Variants in BST1 observed in about 807,000 individuals in gnomAD.
The protein encoded by BST1 is bone marrow stromal cell antigen 1, also known as ADP-ribosyl cyclase/cyclic ADP-ribose hydrolase 2.
Under a neutral mutation model 40.6 loss-of-function variants are expected in BST1, and 49 were observed. That is an observed-to-expected ratio of 1.21 (90% confidence interval 0.96 to 1.53). The LOEUF (loss-of-function observed/expected upper bound fraction) is 1.53. Among genes scored for constraint, BST1 ranks in the 40% most tolerant of loss-of-function variants. The probability of loss-of-function intolerance (pLI) is 0.00; values close to 1 mark genes in which losing one functional copy is unlikely to be tolerated. For missense variants in BST1, 423 were observed against 395.9 expected (o/e 1.07, Z -0.58); for synonymous variants, 157 against 159.3 (o/e 0.99, Z 0.11).
At chr4:15,713,220 T>C (rs1206678849) in intron 4 of BST1, among the ~76,000 whole-genome samples, 1 of 149,374 alleles carries the variant, frequency 6.7e-6, no homozygotes, top group East Asian at 1.9e-4. Flanking sequence ...TTTTTTTTTT[T>C]TTTTTTTGAG....
chr4:15,734,486 C>T (rs376462588), downstream of BST1, among the ~76,000 whole-genome samples: 4 of 151,570 alleles, frequency 2.6e-5, no homozygotes, highest in Non-Finnish European at 5.9e-5. Flanking sequence ...AATATATATA[C>T]GGGAAATCAT....
Position 15,732,397 on chromosome 4 carries a change from A to C in BST1, c.*552A>C, listed in dbSNP as rs942603406. 6.6e-6 allele frequency: 1 copy of C among 152,654 alleles called. No individual in the cohort carries two copies. The highest frequency in any genetic ancestry group is 1.5e-5 in the Non-Finnish European group (1 of 68,414). 9.5% of individuals were successfully genotyped at this position (152,654 alleles called of 1,614,324 possible). A position where few individuals can be genotyped will look rare whatever the true frequency, so the allele number is the denominator to read the frequency against. ...AGGTGGGGAGATCTCAGCTCACTGC[A>C]ACCTCTGCTTCCAGGATTCAAGCGA... On this transcript the variant is annotated 3_prime_UTR_variant, in exon 9 of 9. Coordinates refer to ENST00000265016, the MANE Select transcript of BST1 (RefSeq NM_004334.3).
chr4:15,726,416 G>T (rs550862945), intron 8 of BST1, among the ~76,000 whole-genome samples: 13 of 152,172 alleles, frequency 8.5e-5, no homozygotes, highest in Non-Finnish European at 1.3e-4. Flanking sequence ...ATGTTCAAAG[G>T]TGCTGGGCAG....
At chr4:15,707,153 C>T (rs1400181888) in intron 2 of BST1, among the ~76,000 whole-genome samples, 1 of 152,160 alleles carries the variant, frequency 6.6e-6, no homozygotes, top group Non-Finnish European at 1.5e-5. Flanking sequence ...AACTGAGAAA[C>T]AGGGAGATTG....
At chr4:15,736,419 G>T (rs1721569043), downstream of BST1, among the ~76,000 whole-genome samples, 1 of 152,016 alleles carries the variant, frequency 6.6e-6, no homozygotes, top group African/African-American at 2.4e-5. Context: ...CAGGAGCCCT[G>T]GACAACATGG....
the BST1 span, among the ~76,000 whole-genome samples, chr4:15,757,423 C>T: frequency 1.3e-5 from 2 of 152,102 alleles, no homozygotes; most frequent in Admixed American, 1.3e-4. Context: ...CAAATACCAG[C>T]TCCACTGTCC....
At chr4:15,705,268 T>TG (rs1273056541) in intron 1 of BST1, among the ~76,000 whole-genome samples, 1 of 151,872 alleles carries the variant, frequency 6.6e-6, no homozygotes, top group Non-Finnish European at 1.5e-5. Flanking sequence ...CTTGTCTCCG[T>TG]GAGCCTGGGG....
At chr4:15,703,883 G>T (rs919705145) in intron 1 of BST1, among the ~76,000 whole-genome samples, 7 of 144,142 alleles carry the variant, frequency 4.9e-5, no homozygotes, top group African/African-American at 1.6e-4. Flanking sequence ...TTCTAGAGGT[G>T]AAGGGGGTGT....
At chr4:15,703,431 C>A in intron 1 of BST1, 99 bp downstream of exon 1, 1 of 1,423,668 alleles carries the variant, frequency 7.0e-7, no homozygotes, top group African/African-American at 1.6e-5. Context: ...GGTGAGGGGG[C>A]AATGAGAGAG....
downstream of BST1, among the ~76,000 whole-genome samples, chr4:15,734,243 C>A (rs1250835679): frequency 6.6e-6 from 1 of 152,032 alleles, no homozygotes; most frequent in African/African-American, 2.4e-5. Flanking sequence ...ATTTTGGGAG[C>A]GATGGAGCTG....
In BST1 at chr4:15,703,131, A is replaced by G; in HGVS notation, c.-14A>G. The G allele has an allele frequency of 6.3e-7, 1 of 1,584,656 alleles. No individual in the cohort carries two copies. The highest frequency in any genetic ancestry group is 8.6e-7 in the Non-Finnish European group (1 of 1,168,740). On this transcript the variant is annotated 5_prime_UTR_variant, in exon 1 of 9. Transcript: ENST00000265016. The stretch of plus-strand genomic sequence containing the variant: ...GTGGAGGAAGCACGGGACTGGAGGG[A>G]CCAAAGTTCCCCGATGGCGGCCCAG...
chr4:15,741,151 G>A (rs1328873093), downstream of BST1, among the ~76,000 whole-genome samples: 2 of 152,020 alleles, frequency 1.3e-5, no homozygotes, highest in Non-Finnish European at 2.9e-5. Flanking sequence ...GTTGTCAAAC[G>A]GGGCTGCTAC....
intron 4 of BST1, among the ~76,000 whole-genome samples, chr4:15,713,090 G>T (rs1720305958): frequency 1.3e-5 from 2 of 152,138 alleles, no homozygotes; most frequent in African/African-American, 4.8e-5. Flanking sequence ...CTTGGCATTT[G>T]CTCTGTAGTC....
Position 15,703,185 on chromosome 4 carries a change from T to C in BST1, c.41T>C (p.Leu14Pro). 6.4e-7 allele frequency: 1 copy of C among 1,560,892 alleles called. No homozygotes were observed. The highest frequency in any genetic ancestry group is 8.7e-7 in the Non-Finnish European group (1 of 1,154,148). Residue 14 changes from leucine to proline, a missense_variant, in exon 1 of 9, where the codon CTG becomes CCG. By Grantham distance (98) the Leu-to-Pro change is moderately conservative. Transcript: ENST00000265016. ...TGCGCGGCATCGCGGCTGCTCCAGC[T>C]GCTGCTGCAGCTTCTGCTTCTACTG... The part of the protein sequence containing the change: ...QGCAASRLLQ[L>P]LLQLLLLLLL...
chr4:15,738,935 T>C (rs1363292033), downstream of BST1, among the ~76,000 whole-genome samples: 1 of 152,234 alleles, frequency 6.6e-6, no homozygotes, highest in East Asian at 1.9e-4. Context: ...CTAATGCTCA[T>C]TTCCATTTCA....
intron 4 of BST1, among the ~76,000 whole-genome samples, chr4:15,713,850 C>T (rs1236849990): frequency 1.3e-5 from 2 of 151,746 alleles, no homozygotes; most frequent in Non-Finnish European, 2.9e-5. Context: ...ACTACAGGTG[C>T]GTGTCACCAT....
chr4:15,707,784 A>G (rs1179277043), intron 3 of BST1, 138 bp downstream of exon 3: 2 of 1,055,942 alleles, frequency 1.9e-6, no homozygotes, highest in Admixed American at 3.1e-5. Context: ...AAGAATAGTT[A>G]ATAATAACAA....
At chr4:15,773,750 C>T in the BST1 span, among the ~76,000 whole-genome samples, 1 of 152,164 alleles carries the variant, frequency 6.6e-6, no homozygotes, top group Non-Finnish European at 1.5e-5. Flanking sequence ...GAGCCACGGG[C>T]TCAGCACTGC....
chr4:15,715,634 G>C, intron 5 of BST1, 73 bp from the exon 6 acceptor site: 1 of 1,067,818 alleles, frequency 9.4e-7, no homozygotes, highest in Non-Finnish European at 1.3e-6. Context: ...TTTTAAGAAA[G>C]GTAATGTGTA....
Sources: gnomAD v4.1 joint callset for allele counts (sites outside exome capture counted in the v4.1 genomes callset) on GRCh38, gnomAD v4.1.1 for gene constraint, MANE v1.5 for transcripts, NCBI Gene and HGNC (gene_info 2026-07-23, HGNC 2026-07-21) for gene names.